NGB: variants seen among roughly 807,000 people sequenced by gnomAD.
The protein encoded by NGB is neuroglobin, also known as nitrite reductase.
Under a neutral mutation model 17.3 loss-of-function variants are expected in NGB, and 12 were observed. The observed-to-expected ratio is 0.69, with a 90% CI of 0.45 to 1.13. The LOEUF is 1.13. Among genes scored for constraint, NGB ranks in the 50% most tolerant of loss-of-function variants. NGB has a pLI of 0.00. For missense variants in NGB, 195 were observed against 191.7 expected (o/e 1.02, Z -0.10); for synonymous variants, 87 against 81.0 (o/e 1.07, Z -0.40).
chr14:77,268,012 C>G (rs1889697015), intron 3 of NGB, among the ~76,000 whole-genome samples: 1 of 152,266 alleles, frequency 6.6e-6, no homozygotes, highest in Non-Finnish European at 1.5e-5. Flanking sequence ...TGAATGACAA[C>G]AAATCACAGG....
intron 3 of NGB, among the ~76,000 whole-genome samples, chr14:77,267,431 T>C (rs1889689037): frequency 6.6e-6 from 1 of 151,976 alleles, no homozygotes; most frequent in Non-Finnish European, 1.5e-5. Context: ...GTCCCAGCTA[T>C]GAGGGAGGCT....
intron 1 of NGB, 56 bp downstream of exon 1, chr14:77,270,793 C>T: frequency 7.0e-7 from 1 of 1,423,242 alleles, no homozygotes; most frequent in Non-Finnish European, 9.6e-7. Context: ...CCGCGTGACC[C>T]CTTTCCCGCC....
chr14:77,268,995 G>A (rs1889712094), intron 2 of NGB, among the ~76,000 whole-genome samples: 1 of 152,212 alleles, frequency 6.6e-6, no homozygotes, highest in Non-Finnish European at 1.5e-5. Flanking sequence ...CAAAGGCAAT[G>A]ACACAGGCTG....
At chr14:77,267,222 C>T (rs977000945) in intron 3 of NGB, among the ~76,000 whole-genome samples, 1 of 152,220 alleles carries the variant, frequency 6.6e-6, no homozygotes, top group Admixed American at 6.5e-5. Flanking sequence ...AAGCTCTTAG[C>T]ACAGCATCTG....
intron 1 of NGB, among the ~76,000 whole-genome samples, chr14:77,269,656 G>C (rs1194436609): frequency 6.8e-6 from 1 of 147,338 alleles, no homozygotes; most frequent in Non-Finnish European, 1.5e-5. Context: ...GTTGTGTGGA[G>C]AGGAAAGCCC....
intron 2 of NGB, 59 bp downstream of exon 2, chr14:77,269,156 C>A: frequency 1.8e-6 from 2 of 1,109,454 alleles, no homozygotes; most frequent in South Asian, 1.3e-5. Context: ...TCTCCATTCT[C>A]CACCAGGGAG....
chr14:77,266,441 C>T lies in NGB; in HGVS notation c.*95G>A, dbSNP rs1385919328. The stretch of plus-strand genomic sequence containing the variant: ...TCCAGTGTGGCCAAGGGGACAAGGA[C>T]CAAGATGCAGGGAAGCTTGGGGAGC... On this transcript the variant is annotated 3_prime_UTR_variant, in exon 4 of 4. Transcript: ENST00000298352. The T allele has an allele frequency of 1.3e-5, 20 of 1,538,262 alleles. No individual in the cohort carries two copies. In the East Asian group the frequency reaches 2.3e-4, roughly 17 times the overall value.
In NGB at chr14:77,266,369, G is replaced by C; in HGVS notation, c.*167C>G. 1 of 940,434 alleles carries C rather than the reference G, an allele frequency of 1.1e-6. No individual in the cohort carries two copies. The highest frequency in any genetic ancestry group is 1.8e-6 in the Non-Finnish European group (1 of 567,626). 58.3% of individuals were successfully genotyped at this position (940,434 alleles called of 1,614,324 possible). A position where few individuals can be genotyped will look rare whatever the true frequency, so the allele number is the denominator to read the frequency against. Reference sequence around the variant, plus strand: ...TCCTGGAGGAAAAGCCACTCCTTCTGCAGCTGGACTCTAGGATACTGAGAC... The same window carrying C: ...TCCTGGAGGAAAAGCCACTCCTTCTCCAGCTGGACTCTAGGATACTGAGAC... On this transcript the variant is annotated 3_prime_UTR_variant, in exon 4 of 4. Coordinates refer to ENST00000298352, the MANE Select transcript of NGB (RefSeq NM_021257.4).
In NGB at chr14:77,269,305, G is replaced by A; in HGVS notation, c.111C>T (p.Asp37=). The A allele has an allele frequency of 6.4e-7, 1 of 1,551,274 alleles. No homozygotes were observed. The highest frequency in any genetic ancestry group is 2.4e-5 in the East Asian group (1 of 40,928). The change falls in exon 2 of 4, where the codon GAC becomes GAT. Residue 37 remains aspartate, a synonymous_variant. Coordinates refer to ENST00000298352, the MANE Select transcript of NGB (RefSeq NM_021257.4). ...LFARLFALEP[D]LLPLFQYNCR... is the part of the protein sequence containing the mutation. ...AGTTGTACTGGAAGAGGGGCAGCAGGTCAGGCTCCAGGGCAAACAGCCTGT... is the reference window on the plus strand; with the variant it reads ...AGTTGTACTGGAAGAGGGGCAGCAGATCAGGCTCCAGGGCAAACAGCCTGT...
At chr14:77,268,375 G>A in intron 3 of NGB, 91 bp downstream of exon 3, 1 of 1,382,742 alleles carries the variant, frequency 7.2e-7, no homozygotes, top group Non-Finnish European at 9.9e-7. Flanking sequence ...ATATGGGAAT[G>A]GGAGAGAGAA....
chr14:77,266,181 G>A lies in NGB; in HGVS notation c.*355C>T, dbSNP rs1305017500. 1 of 557,488 alleles carries A rather than the reference G, an allele frequency of 1.8e-6. No homozygotes were observed. The highest frequency in any genetic ancestry group is 1.4e-5 in the South Asian group (1 of 71,654). 34.5% of individuals were successfully genotyped at this position (557,488 alleles called of 1,614,324 possible). A position where few individuals can be genotyped will look rare whatever the true frequency, so the allele number is the denominator to read the frequency against. Reference sequence around the variant, plus strand: ...TGGCCTGCACTCACCTGAAGAAGCAGGACAGACAGAAGAGCCCCATCCTCT... The same window carrying A: ...TGGCCTGCACTCACCTGAAGAAGCAAGACAGACAGAAGAGCCCCATCCTCT... On this transcript the variant is annotated 3_prime_UTR_variant, in exon 4 of 4. Coordinates refer to ENST00000298352, the MANE Select transcript of NGB (RefSeq NM_021257.4).
At chr14:77,270,765 C>T in intron 1 of NGB, 84 bp downstream of exon 1, 9 of 1,257,474 alleles carry the variant, frequency 7.2e-6, no homozygotes, top group Non-Finnish European at 1.0e-5. Context: ...AGTTTTCCCT[C>T]CTTCGGGGCC....
chr14:77,269,845 G>C (rs993495114), intron 1 of NGB, among the ~76,000 whole-genome samples: 1 of 100,926 alleles, frequency 9.9e-6, no homozygotes, highest in Non-Finnish European at 1.8e-5. Context: ...CTTTCCGTGT[G>C]GTTAACTTTT....
rs748840534 is a variant in NGB, at chr14:77,268,576, C to T, written c.211G>A (p.Val71Met). The T allele has an allele frequency of 1.4e-5, 22 of 1,613,850 alleles. No homozygotes were observed. Among genetic ancestry groups the T allele is most frequent in the East Asian group, 6.7e-5 (3 of 44,888 alleles). ...FLDHIRKVML[V>M]IDAAVTNVED... ...ACATTGGTCACTGCAGCATCAATCA[C>T]GAGCATCACCTGCCAAGGCCAAGGC... Residue 71 changes from valine (V) to methionine (M), a missense_variant, in exon 3 of 4, where the codon GTG (valine) becomes ATG (methionine). Val to Met is a conservative substitution (Grantham distance 21). Coordinates refer to ENST00000298352, the MANE Select transcript of NGB (RefSeq NM_021257.4).
intron 1 of NGB, among the ~76,000 whole-genome samples, chr14:77,270,265 C>G (rs779212873): frequency 3.9e-5 from 6 of 152,058 alleles, no homozygotes; most frequent in African/African-American, 4.8e-5. Context: ...GCCTGCACAC[C>G]CCCCACCCCT....
chr14:77,269,316 G>A lies in NGB; in HGVS notation c.100C>T (p.Leu34=), dbSNP rs1198275510. 4 of 1,550,164 alleles carry A rather than the reference G, an allele frequency of 2.6e-6. No individual in the cohort carries two copies. The highest frequency in any genetic ancestry group is 1.4e-5 in the African/African-American group (1 of 73,032). Residue 34 remains leucine, a synonymous_variant, in exon 2 of 4, where the codon CTG becomes TTG. Coordinates refer to ENST00000298352, the MANE Select transcript of NGB (RefSeq NM_021257.4). Reference sequence around the variant, plus strand: ...AAGAGGGGCAGCAGGTCAGGCTCCAGGGCAAACAGCCTGTGGGAGTGAGGC... The same window carrying A: ...AAGAGGGGCAGCAGGTCAGGCTCCAAGGCAAACAGCCTGTGGGAGTGAGGC... ...GTVLFARLFA[L]EPDLLPLFQY...
rs1889771997 is a variant in NGB, at chr14:77,271,109, G to A, written c.-172C>T. 7 of 521,168 alleles carry A rather than the reference G, an allele frequency of 1.3e-5. No individual in the cohort carries two copies. In the East Asian group the frequency reaches 2.1e-4, roughly 16 times the overall value. 32.3% of individuals were successfully genotyped at this position (521,168 alleles called of 1,614,324 possible). On this transcript the variant is annotated 5_prime_UTR_variant, in exon 1 of 4. Coordinates refer to ENST00000298352, the MANE Select transcript of NGB (RefSeq NM_021257.4). The stretch of plus-strand genomic sequence containing the variant: ...TCCTTCCCTGGCGCGGGAGAGAAAA[G>A]GCGCGCGGCCAGTCGTAGGTGGAGA...
Position 77,270,818 on chromosome 14 carries a change from C to T in NGB, c.89+31G>A, listed in dbSNP as rs762301290. 35 of 1,531,752 alleles carry T rather than the reference C, an allele frequency of 2.3e-5. No individual in the cohort carries two copies. In the East Asian group the frequency reaches 6.1e-4, roughly 27 times the overall value. 94.9% of individuals were successfully genotyped at this position (1,531,752 alleles called of 1,614,324 possible). ...CCTTTCCCGCCGAGGCAGCCTCCAC[C>T]CGCATCCCCGGGCGCTCGTGTAGCC... On this transcript the variant is annotated intron_variant, in intron 1 of 3. Transcript: ENST00000298352.
intron 2 of NGB, among the ~76,000 whole-genome samples, 169 bp from the exon 3 acceptor site, chr14:77,268,754 C>T (rs1050275697): frequency 2.6e-5 from 4 of 152,144 alleles, no homozygotes; most frequent in African/African-American, 7.2e-5. Flanking sequence ...AGGGGGCACC[C>T]GATACGTGGT....
Sources: gnomAD v4.1 joint callset for allele counts (sites outside exome capture counted in the v4.1 genomes callset) on GRCh38, gnomAD v4.1.1 for gene constraint, MANE v1.5 for transcripts, NCBI Gene and HGNC (gene_info 2026-07-23, HGNC 2026-07-21) for gene names.